PDE8B: variants seen among roughly 807,000 people sequenced by gnomAD.
PDE8B encodes the protein high affinity cAMP-specific and IBMX-insensitive 3',5'-cyclic phosphodiesterase 8B.
A neutral mutation model predicts 101.3 loss-of-function variants in PDE8B; 26 were observed. The observed-to-expected ratio is 0.26, with a 90% CI of 0.19 to 0.36. The LOEUF (loss-of-function observed/expected upper bound fraction) is 0.36, where lower values mean the gene tolerates loss of function less well. PDE8B is among the 10% of genes least tolerant of loss of function. The pLI is 1.00. For synonymous variants in PDE8B, 424 were observed against 429.3 expected (o/e 0.99, Z 0.15); for missense variants, 810 against 1,163.1 (o/e 0.70, Z 4.42).
the PDE8B span, among the ~76,000 whole-genome samples, chr5:77,116,481 A>T: frequency 6.6e-6 from 1 of 152,102 alleles, no homozygotes; most frequent in Non-Finnish European, 1.5e-5. Flanking sequence ...ACCTCAAGTG[A>T]TGCGCCCGCC....
intron 12 of PDE8B, 54 bp downstream of exon 12, chr5:77,404,851 A>C: frequency 8.7e-7 from 1 of 1,146,918 alleles, no homozygotes; most frequent in African/African-American, 1.5e-5. Flanking sequence ...AAATGATGGA[A>C]GAATATGTTA....
At chr5:77,236,826 T>C (rs1168737601) in intron 1 of PDE8B, among the ~76,000 whole-genome samples, 2 of 152,174 alleles carry the variant, frequency 1.3e-5, no homozygotes, top group African/African-American at 4.8e-5. Context: ...TATTGTTTGG[T>C]TTTTCTATAT....
chr5:77,210,807 C>A lies in PDE8B; in HGVS notation c.-119C>A. The A allele has an allele frequency of 1.0e-6, 1 of 984,168 alleles. No individual in the cohort carries two copies. Among genetic ancestry groups the A allele is most frequent in the Non-Finnish European group, 1.2e-6 (1 of 830,768 alleles). The allele number at this position is 984,168 out of a possible 1,614,324, so 61.0% of individuals were successfully genotyped here. A position where few individuals can be genotyped will look rare whatever the true frequency, so the allele number is the denominator to read the frequency against. On this transcript the variant is annotated 5_prime_UTR_variant, in exon 1 of 22. Transcript: ENST00000264917. The surrounding 1 kb of genome is among the most constrained non-coding windows in gnomAD (Gnocchi z 4.9). ...CCCGACGGAGCGGCGGACACACAGGCCGGGGGGCGCGCAGTCCGGGCGCCG... is the reference window on the plus strand; with the variant it reads ...CCCGACGGAGCGGCGGACACACAGGACGGGGGGCGCGCAGTCCGGGCGCCG...
chr5:77,402,962 A>T (rs1792619603), intron 11 of PDE8B, among the ~76,000 whole-genome samples: 3 of 152,112 alleles, frequency 2.0e-5, no homozygotes, highest in African/African-American at 7.2e-5. Flanking sequence ...TTGGAATATG[A>T]TCACTTATTG....
intron 1 of PDE8B, among the ~76,000 whole-genome samples, chr5:77,253,345 ACT>A (rs937453553): frequency 7.9e-5 from 12 of 152,178 alleles, no homozygotes; most frequent in African/African-American, 2.4e-4. Flanking sequence ...GAGAGGAAAG[ACT>A]ATGAGAGGTG....
At chr5:77,254,593 C>CT (rs531676582) in intron 1 of PDE8B, among the ~76,000 whole-genome samples, 47 of 150,586 alleles carry the variant, frequency 3.1e-4, no homozygotes, top group South Asian at 2.1e-3. Flanking sequence ...TTTGTTTTGT[C>CT]TTTTTTTTTC....
chr5:77,374,734 G>T (rs891751259), intron 10 of PDE8B, among the ~76,000 whole-genome samples: 1 of 152,182 alleles, frequency 6.6e-6, no homozygotes, highest in Non-Finnish European at 1.5e-5. Context: ...GTGTTTTAAA[G>T]AAATTAAGAG....
chr5:77,303,197 A>G (rs1382894), intron 1 of PDE8B, among the ~76,000 whole-genome samples: 2 of 151,964 alleles, frequency 1.3e-5, no homozygotes, highest in African/African-American at 4.8e-5. Flanking sequence ...AAGAAGATAG[A>G]AAGTTTAATT....
intron 10 of PDE8B, among the ~76,000 whole-genome samples, chr5:77,378,049 C>CACACATACACACACAT (rs1554093056): frequency 1.3e-5 from 2 of 148,370 alleles, no homozygotes; most frequent in African/African-American, 5.0e-5. Flanking sequence ...CACACACACA[C>CACACATACACACACAT]CCCCTGTTGG....
chr5:77,368,356 A>T (rs1025119748), intron 10 of PDE8B, among the ~76,000 whole-genome samples: 1 of 152,296 alleles, frequency 6.6e-6, no homozygotes, highest in Non-Finnish European at 1.5e-5. Context: ...CCAGCCCTTG[A>T]TCCTTTACCC....
intron 1 of PDE8B, among the ~76,000 whole-genome samples, chr5:77,283,642 TC>T (rs1765450706): frequency 6.6e-6 from 1 of 152,224 alleles, no homozygotes; most frequent in Admixed American, 6.5e-5. Context: ...TTAAGGTTCC[TC>T]CATGTCTTTT....
the PDE8B span, among the ~76,000 whole-genome samples, chr5:77,091,497 C>G: frequency 1.3e-5 from 2 of 152,030 alleles, no homozygotes; most frequent in Admixed American, 1.3e-4. Flanking sequence ...CAAAAATTAG[C>G]CGGGTGTGGT....
At chr5:77,285,502 T>A (rs1765821400) in intron 1 of PDE8B, among the ~76,000 whole-genome samples, 1 of 152,194 alleles carries the variant, frequency 6.6e-6, no homozygotes, top group Admixed American at 6.5e-5. Flanking sequence ...TCCCACTGTG[T>A]GTATTGTGTA....
chr5:77,311,899 A>T, intron 1 of PDE8B, 95 bp from the exon 2 acceptor site: 1 of 964,900 alleles, frequency 1.0e-6, no homozygotes, highest in Non-Finnish European at 1.7e-6. Context: ...AATTTAGTGC[A>T]CACGGTGGCA....
At chr5:77,364,369 A>G (rs16874217) in intron 10 of PDE8B, among the ~76,000 whole-genome samples, 10,923 of 152,242 alleles carry the variant, frequency 0.072, 602 homozygotes, top group South Asian at 0.14. Context: ...ATCACATAAG[A>G]TTAGACTCAA....
chr5:77,259,084 CACA>C (rs144225053), intron 1 of PDE8B, among the ~76,000 whole-genome samples: 4,345 of 70,576 alleles, frequency 0.062, 610 homozygotes, highest in African/African-American at 0.089. Flanking sequence ...GCCCCCCCCC[CACA>C]CACACACACG....
the PDE8B span, among the ~76,000 whole-genome samples, chr5:77,180,181 CG>C: frequency 6.6e-6 from 1 of 152,162 alleles, no homozygotes; most frequent in Non-Finnish European, 1.5e-5. Flanking sequence ...TTGCCCAGAG[CG>C]GAGCAGCTCA....
intron 1 of PDE8B, among the ~76,000 whole-genome samples, chr5:77,277,251 T>C (rs1484741562): frequency 6.6e-6 from 1 of 152,226 alleles, no homozygotes; most frequent in Non-Finnish European, 1.5e-5. Context: ...GCCATCTTTG[T>C]AAGATGAGAT....
At chr5:77,147,177 GCA>G in the PDE8B span, 4 of 336,154 alleles carry the variant, frequency 1.2e-5, no homozygotes, top group South Asian at 1.2e-4. Flanking sequence ...GTTGGTTCTA[GCA>G]CAGTTTTTTT....
Sources: allele counts gnomAD v4.1 joint callset (sites outside exome capture counted in the v4.1 genomes callset), GRCh38; gene constraint gnomAD v4.1.1; non-coding constraint Gnocchi (gnomAD v3.1); transcripts MANE v1.5; gene names NCBI Gene and HGNC (gene_info 2026-07-23, HGNC 2026-07-21).